The following WDR20 variants were observed in gnomAD, a reference collection of about 807,000 sequenced individuals.
WDR20 encodes WD repeat domain 20, also known as WD repeat-containing protein 20.
WDR20 carries 3 observed loss-of-function variants against 38.7 expected under a neutral mutation model. That is an observed-to-expected ratio of 0.08 (90% confidence interval 0.04 to 0.20). The LOEUF (loss-of-function observed/expected upper bound fraction) is 0.20, where lower values mean the gene tolerates loss of function less well. Ranked by LOEUF, WDR20 falls within the 10% of genes least tolerant of loss-of-function variation. The probability of loss-of-function intolerance (pLI) is 1.00; values close to 1 mark genes in which losing one functional copy is unlikely to be tolerated. For synonymous variants in WDR20, 298 were observed against 285.6 expected (o/e 1.04, Z -0.44); for missense variants, 559 against 727.7 (o/e 0.77, Z 2.67).
At chr14:102,143,523 C>CT in intron 1 of WDR20, among the ~76,000 whole-genome samples, 1 of 151,974 alleles carries the variant, frequency 6.6e-6, no homozygotes, top group Non-Finnish European at 1.5e-5. Flanking sequence ...CCCCAAAAGA[C>CT]TTTCAACTAC....
intron 1 of WDR20, among the ~76,000 whole-genome samples, chr14:102,150,827 A>G (rs904818782): frequency 6.6e-6 from 1 of 152,186 alleles, no homozygotes; most frequent in African/African-American, 2.4e-5. Flanking sequence ...ATATTCACAC[A>G]CTCATTCTAA....
intron 1 of WDR20, among the ~76,000 whole-genome samples, chr14:102,151,173 ATTT>A (rs534503694): frequency 2.5e-4 from 28 of 111,520 alleles, no homozygotes; most frequent in African/African-American, 9.4e-4. Flanking sequence ...CCATTGGGGA[ATTT>A]TTTTTTTTTT....
rs776734150 is a variant in WDR20 at position 102,222,898 on chromosome 14, C to T, written c.*15C>T. ...CTGTAGTGTAGCGACCTCACTGCTG[C>T]GCGCACAGTCTCCCGGGACTTGGAC... On this transcript the variant is annotated 3_prime_UTR_variant, in exon 4 of 4. Transcript: ENST00000335263. The surrounding 1 kb of genome is among the most constrained non-coding windows in gnomAD (Gnocchi z 4.4). The T allele has an allele frequency of 1.6e-5, 26 of 1,613,938 alleles. No individual in the cohort carries two copies. Among genetic ancestry groups the T allele is most frequent in the Middle Eastern group, 1.6e-4 (1 of 6,072 alleles).
At chr14:102,143,760 G>A (rs1388358074) in intron 1 of WDR20, among the ~76,000 whole-genome samples, 1 of 151,844 alleles carries the variant, frequency 6.6e-6, no homozygotes, top group Non-Finnish European at 1.5e-5. Flanking sequence ...GGCCAGGCTG[G>A]TCTCGAACTC....
chr14:102,166,034 C>T (rs2059704758), intron 1 of WDR20, among the ~76,000 whole-genome samples: 1 of 152,106 alleles, frequency 6.6e-6, no homozygotes, highest in Non-Finnish European at 1.5e-5. Context: ...CTTGGTCACC[C>T]AGGCTGGAGT....
intron 2 of WDR20, among the ~76,000 whole-genome samples, chr14:102,200,957 T>C (rs1567026459): frequency 6.6e-6 from 1 of 152,240 alleles, no homozygotes; most frequent in Non-Finnish European, 1.5e-5. Flanking sequence ...TGCAGGTGCC[T>C]CCCAGGCATG....
intron 1 of WDR20, chr14:102,191,365 T>G (rs2066362579): frequency 6.6e-6 from 1 of 152,362 alleles, no homozygotes; most frequent in Non-Finnish European, 1.5e-5. Flanking sequence ...CTCCTGCTCC[T>G]AAAAAGGTAT....
downstream of WDR20, among the ~76,000 whole-genome samples, chr14:102,217,262 C>T (rs955040665): frequency 9.2e-5 from 14 of 152,220 alleles, no homozygotes; most frequent in African/African-American, 3.4e-4. Context: ...CGGTGCTGGT[C>T]TCCATCAGTG....
At chr14:102,215,272 G>A (rs182281323), downstream of WDR20, among the ~76,000 whole-genome samples, 52 of 152,284 alleles carry the variant, frequency 3.4e-4, 1 homozygote, top group African/African-American at 1.2e-3. Context: ...GTTGATTGGC[G>A]TTTCGGCTGA....
At chr14:102,199,066 A>T (rs1168784306) in intron 2 of WDR20, among the ~76,000 whole-genome samples, 1 of 152,144 alleles carries the variant, frequency 6.6e-6, no homozygotes, top group African/African-American at 2.4e-5. Flanking sequence ...CTGAGGCCTG[A>T]TTATACTCCA....
At chr14:102,223,345 A>G (rs968374309) in exon 4 of WDR20, 1 of 152,576 alleles carries the variant, frequency 6.6e-6, no homozygotes, top group Non-Finnish European at 1.5e-5. Flanking sequence ...TTCTGACGTA[A>G]TGTAATTCAG....
chr14:102,215,180 C>T (rs2063066221), downstream of WDR20, among the ~76,000 whole-genome samples: 1 of 152,220 alleles, frequency 6.6e-6, no homozygotes, highest in Admixed American at 6.5e-5. Context: ...TAGTTGGCAG[C>T]GTACTCGATG....
intron 1 of WDR20, among the ~76,000 whole-genome samples, chr14:102,188,291 C>A (rs907815328): frequency 2.6e-5 from 4 of 152,212 alleles, no homozygotes; most frequent in East Asian, 1.9e-4. Context: ...AAGCCCCCTA[C>A]TGAGGCCCAC....
rs1364506257 is a variant in WDR20, at chr14:102,221,453, C to A, written c.1693-1377C>A. Among the ~76,000 whole-genome samples the A allele has an allele frequency of 6.6e-6, 1 of 152,216 alleles. No homozygotes were observed. The highest frequency in any genetic ancestry group is 2.4e-5 in the African/African-American group (1 of 41,464). On this transcript the variant is annotated intron_variant, in intron 3 of 3. Transcript: ENST00000335263. The surrounding 1 kb of genome is among the most constrained non-coding windows in gnomAD (Gnocchi z 4.8). ...TCTGCGGCAGAAGTGGGGTCAGGAA[C>A]CTGCTGCCCAGCTTTCCTCCACAGG...
downstream of WDR20, among the ~76,000 whole-genome samples, chr14:102,215,257 G>A (rs1453035401): frequency 3.3e-5 from 5 of 152,206 alleles, no homozygotes. Flanking sequence ...TCCGGGAGAA[G>A]GACTGTTGAT....
In WDR20 at chr14:102,183,944, A is replaced by G. The variant is rs2063960216; in HGVS notation, c.250-10994A>G. ...CTCAACACTTTCAGAAAGGCATAGA[A>G]TTCTATCTTTAAAAAACATTTTTTT... On this transcript the variant is annotated intron_variant, in intron 1 of 2. Transcript: ENST00000342702. 2.0e-5 allele frequency among the ~76,000 whole-genome samples: 3 copies of G among 152,228 alleles called. No homozygotes were observed. In the South Asian group the frequency reaches 6.2e-4, roughly 31 times the overall value.
chr14:102,197,000 G>A (rs1347888045), intron 2 of WDR20, among the ~76,000 whole-genome samples: 5 of 152,264 alleles, frequency 3.3e-5, no homozygotes, highest in South Asian at 2.1e-4. Flanking sequence ...AAGGGTCACC[G>A]GAGGTTTGTT....
intron 1 of WDR20, 138 bp downstream of exon 1, chr14:102,140,310 T>TA: frequency 7.3e-7 from 1 of 1,366,866 alleles, no homozygotes; most frequent in East Asian, 2.5e-5. Context: ...TCCACTGGGG[T>TA]ACTCCTGAGG....
At chr14:102,183,464 C>T (rs772360210) in intron 1 of WDR20, among the ~76,000 whole-genome samples, 3 of 152,222 alleles carry the variant, frequency 2.0e-5, no homozygotes, top group Non-Finnish European at 2.9e-5. Flanking sequence ...GTCCAAAATG[C>T]TGTCATATGA....
Sources: allele counts gnomAD v4.1 joint callset (sites outside exome capture counted in the v4.1 genomes callset), GRCh38; gene constraint gnomAD v4.1.1; non-coding constraint Gnocchi (gnomAD v3.1); transcripts MANE v1.5; gene names NCBI Gene and HGNC (gene_info 2026-07-23, HGNC 2026-07-21).